The following KAZN variants were observed in gnomAD, a reference collection of about 807,000 sequenced individuals.
The protein encoded by KAZN is kazrin, periplakin interacting protein, also known as kazrin.
In KAZN, 40 loss-of-function variants were observed where a neutral mutation model predicts 87.4. The ratio of observed to expected loss-of-function variants is 0.46; its 90% confidence interval spans 0.36 to 0.60. The LOEUF (loss-of-function observed/expected upper bound fraction) is 0.60. KAZN is among the 20% of genes least tolerant of loss of function. The probability of loss-of-function intolerance (pLI) is 0.00; values close to 1 mark genes in which losing one functional copy is unlikely to be tolerated. For missense variants in KAZN, 898 were observed against 1,073.9 expected (o/e 0.84, Z 2.29); for synonymous variants, 466 against 458.3 (o/e 1.02, Z -0.22).
At chr1:15,007,955 C>T (rs1402863848) in intron 2 of KAZN, among the ~76,000 whole-genome samples, 2 of 152,204 alleles carry the variant, frequency 1.3e-5, no homozygotes, top group East Asian at 1.9e-4. Context: ...GGCACAGAGG[C>T]GGCCCCTGCG....
intron 1 of KAZN, among the ~76,000 whole-genome samples, chr1:13,966,700 G>GT (rs1641958653): frequency 6.6e-6 from 1 of 152,298 alleles, no homozygotes; most frequent in Admixed American, 6.5e-5. Context: ...GAGATGTGCC[G>GT]TAAGTGTAAA....
chr1:14,106,691 G>A (rs1399112155), intron 1 of KAZN, among the ~76,000 whole-genome samples: 4 of 152,126 alleles, frequency 2.6e-5, no homozygotes, highest in African/African-American at 7.2e-5. Flanking sequence ...TCTTGGAGAG[G>A]TATTTTCTTT....
At chr1:13,955,263 T>A (rs537723477) in intron 1 of KAZN, among the ~76,000 whole-genome samples, 2 of 152,302 alleles carry the variant, frequency 1.3e-5, no homozygotes, top group South Asian at 4.1e-4. Flanking sequence ...ATTAATATGG[T>A]CCGTCTGCTC....
intron 1 of KAZN, among the ~76,000 whole-genome samples, chr1:14,023,050 C>T (rs1640919633): frequency 6.6e-6 from 1 of 152,170 alleles, no homozygotes; most frequent in Admixed American, 6.5e-5. Flanking sequence ...TATGGTGGCT[C>T]ATGCCTGTAA....
At chr1:14,141,434 G>T (rs1645237944) in intron 1 of KAZN, among the ~76,000 whole-genome samples, 1 of 151,642 alleles carries the variant, frequency 6.6e-6, no homozygotes. Flanking sequence ...GTTTCTTCGG[G>T]GGGTAAAACT....
chr1:14,860,148 T>TTCCC (rs1427071714), intron 1 of KAZN, among the ~76,000 whole-genome samples: 5 of 151,838 alleles, frequency 3.3e-5, no homozygotes, highest in African/African-American at 1.2e-4. Flanking sequence ...TCTTCCTTCC[T>TTCCC]TCCCTCCCTC....
At chr1:14,494,298 C>A (rs999872243) in intron 2 of KAZN, among the ~76,000 whole-genome samples, 2 of 152,150 alleles carry the variant, frequency 1.3e-5, no homozygotes, top group Non-Finnish European at 2.9e-5. Flanking sequence ...AGGGTTATAG[C>A]ACAGTGTATA....
At chr1:14,593,688 G>A (rs751164431), upstream of KAZN, among the ~76,000 whole-genome samples, 1 of 152,068 alleles carries the variant, frequency 6.6e-6, no homozygotes, top group African/African-American at 2.4e-5. Context: ...GGCCATATAC[G>A]CTATGAAATA....
chr1:14,434,587 G>C (rs999895682), intron 2 of KAZN, among the ~76,000 whole-genome samples: 2 of 152,212 alleles, frequency 1.3e-5, no homozygotes, highest in African/African-American at 4.8e-5. Context: ...GTGGATGATG[G>C]AGCTGGCTGA....
intron 2 of KAZN, among the ~76,000 whole-genome samples, chr1:14,238,887 A>C (rs991584306): frequency 6.6e-6 from 1 of 152,160 alleles, no homozygotes; most frequent in African/African-American, 2.4e-5. Context: ...ATGCATTCTT[A>C]AGTCTGACTG....
intron 1 of KAZN, among the ~76,000 whole-genome samples, chr1:13,990,400 T>G (rs1011419332): frequency 6.6e-6 from 1 of 152,186 alleles, no homozygotes; most frequent in Non-Finnish European, 1.5e-5. Context: ...ATAAACATTA[T>G]GATGAGTGAA....
chr1:14,265,087 G>C (rs1651370018), intron 2 of KAZN, among the ~76,000 whole-genome samples: 1 of 152,168 alleles, frequency 6.6e-6, no homozygotes, highest in Non-Finnish European at 1.5e-5. Context: ...AGTTTAACAA[G>C]TGTTTTATTT....
intron 1 of KAZN, among the ~76,000 whole-genome samples, chr1:14,150,828 T>C (rs1204704339): frequency 3.3e-5 from 5 of 152,226 alleles, no homozygotes; most frequent in Admixed American, 2.6e-4. Context: ...ATCAGCCCCA[T>C]TTTTATTTTT....
chr1:15,086,379 CGCTAAAACAAAAGGCAAACTCTCA>C (rs1640259087), intron 8 of KAZN, among the ~76,000 whole-genome samples: 1 of 152,170 alleles, frequency 6.6e-6, no homozygotes, highest in Admixed American at 6.5e-5. Flanking sequence ...ATCGTCAAAG[CGCTAAAACAAAAGGCAAACTCTCA>C]ACCTAAAACC....
intron 2 of KAZN, among the ~76,000 whole-genome samples, chr1:14,353,106 A>G (rs12239349): frequency 1.3e-5 from 2 of 152,164 alleles, no homozygotes; most frequent in East Asian, 1.9e-4. Context: ...GAGACGAGTC[A>G]AGGGATGTTT....
At chr1:14,463,454 T>G (rs1667957465) in intron 2 of KAZN, among the ~76,000 whole-genome samples, 1 of 152,210 alleles carries the variant, frequency 6.6e-6, no homozygotes, top group South Asian at 2.1e-4. Flanking sequence ...AGCCCAGGTT[T>G]ACCTTATTGA....
chr1:14,652,359 C>T (rs1638436098), intron 1 of KAZN, among the ~76,000 whole-genome samples: 1 of 151,962 alleles, frequency 6.6e-6, no homozygotes, highest in Non-Finnish European at 1.5e-5. Context: ...CACTTGACTG[C>T]AGCTTGGAAT....
rs1018315627 is a variant in KAZN at position 14,769,661 on chromosome 1, C to T, written c.226+170438C>T. 3.3e-5 allele frequency among the ~76,000 whole-genome samples: 5 copies of T among 152,142 alleles called. No homozygotes were observed. Among genetic ancestry groups the T allele is most frequent in the African/African-American group, 1.2e-4 (5 of 41,446 alleles). ...GAGCCACCGTGCCCGGCCTGCCCTTCCAGGTCTTACCAACAGAGGGCTCTT... is the reference window on the plus strand; with the variant it reads ...GAGCCACCGTGCCCGGCCTGCCCTTTCAGGTCTTACCAACAGAGGGCTCTT... On this transcript the variant is annotated intron_variant, in intron 1 of 14. Transcript: ENST00000376030. This position sits in a 1 kb window ranked among gnomAD's most constrained non-coding sequence, Gnocchi z 4.1.
upstream of KAZN, chr1:14,598,576 CG>C (rs1202939568): frequency 6.2e-6 from 5 of 802,852 alleles, no homozygotes; most frequent in African/African-American, 5.6e-5. The surrounding 1 kb of genome is among the most constrained non-coding windows in gnomAD (Gnocchi z 4.2). Flanking sequence ...CTCCGAAGTA[CG>C]GGGGCGCGGG....
Sources: allele counts gnomAD v4.1 joint callset (sites outside exome capture counted in the v4.1 genomes callset), GRCh38; gene constraint gnomAD v4.1.1; non-coding constraint Gnocchi (gnomAD v3.1); transcripts MANE v1.5; gene names NCBI Gene and HGNC (gene_info 2026-07-23, HGNC 2026-07-21).